NUBPL: variants seen among roughly 807,000 people sequenced by gnomAD.
The protein encoded by NUBPL is iron-sulfur cluster transfer protein NUBPL.
NUBPL carries 31 observed loss-of-function variants against 45.7 expected under a neutral mutation model. The ratio of observed to expected loss-of-function variants is 0.68; its 90% CI spans 0.51 to 0.92. The LOEUF (loss-of-function observed/expected upper bound fraction) is 0.92, where lower values mean the gene tolerates loss of function less well. Among genes scored for constraint, NUBPL ranks in the 40% least tolerant of loss-of-function variants. The probability of loss-of-function intolerance (pLI) is 0.00; values close to 1 mark genes in which losing one functional copy is unlikely to be tolerated. For synonymous variants in NUBPL, 144 were observed against 140.9 expected, an observed-to-expected ratio of 1.02 and a Z score of -0.15; for missense variants, 401 against 398.7, an observed-to-expected ratio of 1.01 and a Z score of -0.05.
intron 6 of NUBPL, chr14:31,703,314 C>A (rs1363373617): frequency 6.6e-6 from 1 of 152,642 alleles, no homozygotes; most frequent in Non-Finnish European, 1.5e-5. Flanking sequence ...GCCCTTCTTA[C>A]CCTTGGGAAT....
rs573304881 is a variant in NUBPL, at chr14:31,842,713, C to T, written c.694-3758C>T. Among the ~76,000 whole-genome samples, 20 of 152,266 alleles carry T rather than the reference C, an allele frequency of 1.3e-4. No individual in the cohort carries two copies. The South Asian group carries it at 4.1e-3, about 32-fold the overall frequency. ...GACAGGTCTTGAACTTCTGGAATTA[C>T]AGGCATAAGCCACCATGCCCAGTCT... On this transcript the variant is annotated intron_variant, in intron 8 of 10. Coordinates refer to ENST00000281081, the MANE Select transcript of NUBPL (RefSeq NM_025152.3).
At chr14:31,689,177 T>C (rs2037036411) in intron 6 of NUBPL, among the ~76,000 whole-genome samples, 2 of 152,232 alleles carry the variant, frequency 1.3e-5, no homozygotes, top group Non-Finnish European at 2.9e-5. Context: ...CTTTAGGGTA[T>C]ATACCCAGTA....
chr14:31,669,798 T>TTTTTTC (rs2036527621), intron 4 of NUBPL, among the ~76,000 whole-genome samples: 1 of 17,524 alleles, frequency 5.7e-5, no homozygotes, highest in African/African-American at 1.9e-4. Flanking sequence ...ATGATCTTGG[T>TTTTTTC]TTTTTTTTTT....
At chr14:31,613,470 G>A (rs1279444325) in intron 4 of NUBPL, among the ~76,000 whole-genome samples, 1 of 145,252 alleles carries the variant, frequency 6.9e-6, no homozygotes, top group Non-Finnish European at 1.5e-5. Flanking sequence ...TTTTTTTTTT[G>A]AGGTGGAGTC....
intron 6 of NUBPL, among the ~76,000 whole-genome samples, chr14:31,774,766 TC>T (rs2039069609): frequency 1.3e-5 from 2 of 152,210 alleles, no homozygotes; most frequent in South Asian, 4.1e-4. Context: ...ATTACCATTG[TC>T]AGCATTAGTT....
intron 6 of NUBPL, among the ~76,000 whole-genome samples, chr14:31,779,820 GA>G (rs1263204324): frequency 6.6e-6 from 1 of 152,146 alleles, no homozygotes; most frequent in East Asian, 1.9e-4. Context: ...GATCATCTAA[GA>G]AATCTCAGAT....
intron 6 of NUBPL, among the ~76,000 whole-genome samples, chr14:31,724,811 A>G (rs1327394516): frequency 6.6e-6 from 1 of 152,184 alleles, no homozygotes; most frequent in Non-Finnish European, 1.5e-5. Flanking sequence ...ATAGTATAAC[A>G]TTGATTAATG....
chr14:31,579,711 C>T (rs779822357), intron 3 of NUBPL, among the ~76,000 whole-genome samples: 15 of 152,138 alleles, frequency 9.9e-5, no homozygotes, highest in South Asian at 2.1e-4. Context: ...ATCACCAGTC[C>T]GTAGCTAAAG....
intron 6 of NUBPL, among the ~76,000 whole-genome samples, chr14:31,732,612 T>C (rs2038076713): frequency 8.0e-6 from 1 of 125,636 alleles, no homozygotes; most frequent in Non-Finnish European, 1.7e-5. Context: ...TTGTTCTCTT[T>C]TTTTTTTTTT....
chr14:31,620,681 A>G (rs1385415842), intron 4 of NUBPL, among the ~76,000 whole-genome samples: 1 of 152,136 alleles, frequency 6.6e-6, no homozygotes, highest in African/African-American at 2.4e-5. Context: ...CACCCACCAG[A>G]CGCCAGCCAG....
intron 8 of NUBPL, among the ~76,000 whole-genome samples, chr14:31,831,596 C>T (rs769132513): frequency 6.6e-6 from 1 of 151,952 alleles, no homozygotes; most frequent in Non-Finnish European, 1.5e-5. Context: ...TAAATATATA[C>T]TGAGTGAATG....
At chr14:31,748,644 T>C (rs2038453586) in intron 6 of NUBPL, among the ~76,000 whole-genome samples, 1 of 152,070 alleles carries the variant, frequency 6.6e-6, no homozygotes, top group Admixed American at 6.6e-5. Context: ...ACAGAGTCTT[T>C]CTTTGTTGCC....
intron 4 of NUBPL, among the ~76,000 whole-genome samples, chr14:31,644,963 A>C (rs2035803747): frequency 6.6e-6 from 1 of 152,046 alleles, no homozygotes; most frequent in African/African-American, 2.4e-5. Context: ...AAATATAGCT[A>C]TTCCTGCTCT....
chr14:31,565,048 G>A lies in NUBPL; in HGVS notation c.291G>A (p.Ser97=), dbSNP rs766316675. The A allele has an allele frequency of 1.2e-5, 18 of 1,527,556 alleles. No homozygotes were observed. In the Admixed American group the frequency reaches 1.5e-4, roughly 13 times the overall value. 94.6% of individuals were successfully genotyped at this position (1,527,556 alleles called of 1,614,324 possible). The stretch of plus-strand genomic sequence containing the variant: ...CACTTGCACTAGCAGCGAACGATTC[G>A]GTAGGTGTTTATTAATAGAAATATT... The part of the protein sequence containing the change: ...NLALALAAND[S]SKAIGLLDVD... Residue 97 remains serine (S), a splice_region_variant and synonymous_variant, in exon 3 of 11, where the codon TCG becomes TCA. Transcript: ENST00000281081.
chr14:31,729,277 C>CA (rs1209396793), intron 6 of NUBPL, among the ~76,000 whole-genome samples: 1 of 53,908 alleles, frequency 1.9e-5, no homozygotes, highest in African/African-American at 4.7e-5. Flanking sequence ...ATGCTCCATC[C>CA]CCCCCCCCCC....
chr14:31,676,038 T>C (rs994121482), intron 6 of NUBPL, among the ~76,000 whole-genome samples: 1 of 152,064 alleles, frequency 6.6e-6, no homozygotes, highest in African/African-American at 2.4e-5. Flanking sequence ...TTTTTTTTTT[T>C]TGAGACAGAG....
intron 9 of NUBPL, among the ~76,000 whole-genome samples, chr14:31,846,920 C>T (rs1176478419): frequency 6.6e-6 from 1 of 151,572 alleles, no homozygotes; most frequent in East Asian, 1.9e-4. Flanking sequence ...AGCACCACTG[C>T]ACTCCAGCCT....
At chr14:31,713,818 T>C (rs1373014) in intron 6 of NUBPL, among the ~76,000 whole-genome samples, 111,164 of 152,216 alleles carry the variant, frequency 0.73, 47,109 homozygotes, top group East Asian at 0.99. Context: ...GATTCCATTT[T>C]CTGTTTCACA....
At chr14:31,704,128 G>A (rs2037396330) in intron 6 of NUBPL, among the ~76,000 whole-genome samples, 1 of 152,126 alleles carries the variant, frequency 6.6e-6, no homozygotes, top group South Asian at 2.1e-4. Context: ...CAGAGGGGTG[G>A]TGTTGGTTCT....
Sources: gnomAD v4.1 joint callset for allele counts (sites outside exome capture counted in the v4.1 genomes callset) on GRCh38, gnomAD v4.1.1 for gene constraint, MANE v1.5 for transcripts, NCBI Gene and HGNC (gene_info 2026-07-23, HGNC 2026-07-21) for gene names.